The following MRPS27 variants were observed in gnomAD, a reference collection of about 807,000 sequenced individuals.
MRPS27 encodes mitochondrial ribosomal protein S27, also known as small ribosomal subunit protein mS27.
Under a neutral mutation model 48.9 loss-of-function variants are expected in MRPS27, and 43 were observed. The ratio of observed to expected loss-of-function variants is 0.88; its 90% CI spans 0.69 to 1.13. The LOEUF (loss-of-function observed/expected upper bound fraction) is 1.13, where lower values mean the gene tolerates loss of function less well. MRPS27 is among the 50% of genes most tolerant of loss of function. MRPS27 has a pLI of 0.00. For synonymous variants in MRPS27, 188 were observed against 171.9 expected, an observed-to-expected ratio of 1.09 and a Z score of -0.73; for missense variants, 467 against 476.3, an observed-to-expected ratio of 0.98 and a Z score of 0.18.
chr5:72,272,557 A>C (rs532906825), intron 4 of MRPS27, among the ~76,000 whole-genome samples: 117 of 152,334 alleles, frequency 7.7e-4, no homozygotes, highest in South Asian at 5.0e-3. Context: ...GGATAAATTA[A>C]GGACATCCTG....
intron 4 of MRPS27, among the ~76,000 whole-genome samples, chr5:72,277,460 T>G (rs1439425170): frequency 1.3e-5 from 2 of 151,762 alleles, no homozygotes; most frequent in Non-Finnish European, 2.9e-5. Context: ...AAAAATTAGC[T>G]AGGCATGGTG....
chr5:72,310,905 C>A (rs747331137), intron 2 of MRPS27, among the ~76,000 whole-genome samples: 12 of 152,182 alleles, frequency 7.9e-5, no homozygotes, highest in Non-Finnish European at 1.5e-4. Flanking sequence ...ACATGTGATA[C>A]CCTGGCAGGG....
intron 4 of MRPS27, among the ~76,000 whole-genome samples, chr5:72,257,479 T>G (rs1041421170): frequency 6.6e-6 from 1 of 152,226 alleles, no homozygotes; most frequent in African/African-American, 2.4e-5. Context: ...CGTTCATCCA[T>G]AATCCTCCAT....
At chr5:72,243,720 A>C (rs967651362) in intron 4 of MRPS27, among the ~76,000 whole-genome samples, 6 of 152,218 alleles carry the variant, frequency 3.9e-5, no homozygotes, top group Non-Finnish European at 7.3e-5. Context: ...GAATATTTCC[A>C]ACGAATTCAC....
intron 1 of MRPS27, among the ~76,000 whole-genome samples, chr5:72,316,295 TAA>T (rs977603448): frequency 6.6e-6 from 1 of 152,220 alleles, no homozygotes; most frequent in African/African-American, 2.4e-5. Flanking sequence ...GAAAATGTCC[TAA>T]AATAGCTTGT....
In MRPS27 at chr5:72,220,222, T is replaced by A. The variant is rs969097258; in HGVS notation, c.*687A>T. On this transcript the variant is annotated 3_prime_UTR_variant, in exon 11 of 11. Transcript: ENST00000261413. ...ACCTGGGCTGGGGAGAGGGAGACCATTCAAAAGCCTGTGCTTGGCCGGGTG... is the reference window on the plus strand; with the variant it reads ...ACCTGGGCTGGGGAGAGGGAGACCAATCAAAAGCCTGTGCTTGGCCGGGTG... The A allele has an allele frequency of 6.5e-6, 1 of 153,122 alleles. No homozygotes were observed. Among genetic ancestry groups the A allele is most frequent in the African/African-American group, 2.4e-5 (1 of 41,458 alleles). 9.5% of individuals were successfully genotyped at this position (153,122 alleles called of 1,614,324 possible).
intron 8 of MRPS27, 35 bp downstream of exon 8, chr5:72,228,231 T>C (rs755154227): frequency 1.4e-6 from 2 of 1,469,586 alleles, no homozygotes; most frequent in Non-Finnish European, 1.9e-6. Flanking sequence ...ATTCTAACCA[T>C]GAAGAACAGT....
chr5:72,250,580 C>G (rs566822079), intron 4 of MRPS27, among the ~76,000 whole-genome samples: 3 of 152,302 alleles, frequency 2.0e-5, no homozygotes, highest in African/African-American at 7.2e-5. Flanking sequence ...GATTAGAACC[C>G]AGCCCCGACT....
intron 4 of MRPS27, among the ~76,000 whole-genome samples, chr5:72,290,626 C>T (rs1175971072): frequency 6.6e-6 from 1 of 152,148 alleles, no homozygotes; most frequent in Non-Finnish European, 1.5e-5. Context: ...AGATGCAAAT[C>T]TAATTCTTAG....
intron 4 of MRPS27, among the ~76,000 whole-genome samples, chr5:72,261,621 C>T (rs1205615294): frequency 6.6e-6 from 1 of 151,940 alleles, no homozygotes; most frequent in Non-Finnish European, 1.5e-5. Context: ...AATAAATATT[C>T]ATACTTTCAG....
intron 4 of MRPS27, among the ~76,000 whole-genome samples, chr5:72,281,929 TAC>T (rs901035393): frequency 2.6e-5 from 4 of 152,190 alleles, no homozygotes; most frequent in Non-Finnish European, 4.4e-5. Context: ...GCATAATGAA[TAC>T]ACTGTTCATG....
intron 4 of MRPS27, among the ~76,000 whole-genome samples, chr5:72,287,947 A>C (rs763961123): frequency 6.6e-6 from 1 of 152,228 alleles, no homozygotes. Flanking sequence ...CTATACAAAG[A>C]CTTGTGCATG....
At chr5:72,304,242 G>A (rs202044413) in intron 2 of MRPS27, among the ~76,000 whole-genome samples, 4 of 150,614 alleles carry the variant, frequency 2.7e-5, no homozygotes, top group East Asian at 1.9e-4. Context: ...GGAAAAAAAC[G>A]TAAAAAACAA....
intron 4 of MRPS27, among the ~76,000 whole-genome samples, chr5:72,264,532 A>C (rs751367489): frequency 2.0e-4 from 30 of 152,228 alleles, no homozygotes; most frequent in Non-Finnish European, 3.8e-4. Context: ...TCTTTTGCAG[A>C]TGTAATCAAG....
At chr5:72,249,409 C>T (rs1247063168) in intron 4 of MRPS27, among the ~76,000 whole-genome samples, 3 of 152,216 alleles carry the variant, frequency 2.0e-5, no homozygotes, top group Non-Finnish European at 4.4e-5. Context: ...TTCAGCCCCG[C>T]GTGGTGGCTC....
chr5:72,284,496 G>C (rs1192556579), intron 4 of MRPS27, among the ~76,000 whole-genome samples: 1 of 151,582 alleles, frequency 6.6e-6, no homozygotes, highest in African/African-American at 2.4e-5. Flanking sequence ...GATGGAAAAA[G>C]AGAAGGGGGG....
At chr5:72,298,716 AAAAAAAAC>A (rs1750048191) in intron 2 of MRPS27, among the ~76,000 whole-genome samples, 1 of 150,048 alleles carries the variant, frequency 6.7e-6, no homozygotes, top group Admixed American at 6.6e-5. Context: ...CCGTCTCAAA[AAAAAAAAC>A]AAAAAAAAAA....
chr5:72,298,835 C>T (rs936162904), intron 2 of MRPS27, among the ~76,000 whole-genome samples: 13 of 151,882 alleles, frequency 8.6e-5, no homozygotes, highest in African/African-American at 3.1e-4. Context: ...CGATGTTCAC[C>T]GCAGCACTAC....
chr5:72,222,594 G>C (rs1747777680), intron 10 of MRPS27: 2 of 152,178 alleles, frequency 1.3e-5, no homozygotes, highest in African/African-American at 4.8e-5. Flanking sequence ...TGGCAACCTT[G>C]GTCAATGTGA....
Sources: allele counts gnomAD v4.1 joint callset (sites outside exome capture counted in the v4.1 genomes callset), GRCh38; gene constraint gnomAD v4.1.1; transcripts MANE v1.5; gene names NCBI Gene and HGNC (gene_info 2026-07-23, HGNC 2026-07-21).